Variants in VAT1L observed in about 807,000 individuals in gnomAD.
The protein encoded by VAT1L is putative NADPH-dependent quinone oxidoreductase VAT1L.
In VAT1L, 34 loss-of-function variants were observed where a neutral mutation model predicts 44.1. The observed-to-expected ratio is 0.77, with a 90% CI of 0.59 to 1.03. The LOEUF is 1.03. Among genes scored for constraint, VAT1L ranks in the 50% least tolerant of loss-of-function variants. The pLI is 0.00. For synonymous variants in VAT1L, 253 were observed against 202.2 expected (o/e 1.25, Z -2.13); for missense variants, 615 against 538.8 (o/e 1.14, Z -1.40).
intron 8 of VAT1L, among the ~76,000 whole-genome samples, chr16:77,972,786 G>T (rs955576537): frequency 6.7e-6 from 1 of 149,344 alleles, no homozygotes; most frequent in Non-Finnish European, 1.5e-5. Context: ...TCTCAAAAAT[G>T]ATAATAATAA....
At chr16:77,966,758 A>C (rs1298910576) in intron 7 of VAT1L, among the ~76,000 whole-genome samples, 2 of 152,130 alleles carry the variant, frequency 1.3e-5, no homozygotes, top group African/African-American at 4.8e-5. Context: ...TATGGTGATT[A>C]AGTCTGTGAA....
chr16:77,977,208 C>T (rs2018350782), intron 8 of VAT1L, among the ~76,000 whole-genome samples: 1 of 152,150 alleles, frequency 6.6e-6, no homozygotes, highest in African/African-American at 2.4e-5. Context: ...ATGGCTTCCT[C>T]CTCCCTCAGA....
chr16:77,806,047 G>A (rs1201898202), intron 1 of VAT1L, among the ~76,000 whole-genome samples: 1 of 150,786 alleles, frequency 6.6e-6, no homozygotes, highest in African/African-American at 2.4e-5. Context: ...ATTTTTAGTA[G>A]AGTCAGGGTT....
In VAT1L at chr16:77,879,303, T is replaced by C; in HGVS notation, c.882+79T>C. On this transcript the variant is annotated intron_variant, in intron 6 of 8. Transcript: ENST00000302536. This position sits in a 1 kb window ranked among gnomAD's most constrained non-coding sequence, Gnocchi z 4.1. Reference sequence around the variant, plus strand: ...GAGAGCTTTGTTTTTGTTTGTTTGTTTGTTTTGAGACAGCGTCTCGTTCTG... The same window carrying C: ...GAGAGCTTTGTTTTTGTTTGTTTGTCTGTTTTGAGACAGCGTCTCGTTCTG... The C allele has an allele frequency of 6.7e-7, 1 of 1,502,866 alleles. No homozygotes were observed. Among genetic ancestry groups the C allele is most frequent in the South Asian group, 1.1e-5 (1 of 88,312 alleles). The allele number at this position is 1,502,866 out of a possible 1,614,324, so 93.1% of individuals were successfully genotyped here.
intron 3 of VAT1L, among the ~76,000 whole-genome samples, chr16:77,837,039 G>C (rs540962523): frequency 1.4e-5 from 2 of 140,390 alleles, no homozygotes; most frequent in Non-Finnish European, 3.2e-5. Flanking sequence ...CTTATAGAGA[G>C]GAAGAGCTGG....
rs149047535 is a variant in VAT1L, at chr16:77,898,797, G to A, written c.1077+13995G>A. On this transcript the variant is annotated intron_variant, in intron 7 of 8. Coordinates refer to ENST00000302536, the MANE Select transcript of VAT1L (RefSeq NM_020927.3). ...TTACCAGTGCCCTTTCCTCGTGCTTGTACTCATTTCCAAAGGCAACTGTGG... is the reference window on the plus strand; with the variant it reads ...TTACCAGTGCCCTTTCCTCGTGCTTATACTCATTTCCAAAGGCAACTGTGG... 3.2e-3 allele frequency among the ~76,000 whole-genome samples: 480 copies of A among 152,260 alleles called. 2 individuals are homozygous for A. Among genetic ancestry groups the A allele is most frequent in the Non-Finnish European group, 5.0e-3 (340 of 68,028 alleles).
intron 8 of VAT1L, among the ~76,000 whole-genome samples, chr16:77,972,394 C>T (rs1025412529): frequency 1.3e-5 from 2 of 152,180 alleles, no homozygotes; most frequent in Non-Finnish European, 2.9e-5. Flanking sequence ...TCTCAACTCA[C>T]TGCAGCCCCC....
In VAT1L at chr16:77,917,686, AAT is replaced by A. The variant is rs768604788; in HGVS notation, c.1077+32885_1077+32886del. Among the ~76,000 whole-genome samples the A allele has an allele frequency of 8.3e-4, 126 of 152,316 alleles. 1 individual carries two copies. Among genetic ancestry groups the A allele is most frequent in the Middle Eastern group, 3.4e-3 (1 of 294 alleles). On this transcript the variant is annotated intron_variant, in intron 7 of 8. Transcript: ENST00000302536. ...GTAGCGATTAAGATTCTATCTGAAT[AAT>A]CTAAGGTTCCCTCCACTCTGCTGCC...
chr16:77,862,565 G>A (rs1479125268), intron 3 of VAT1L, among the ~76,000 whole-genome samples, 183 bp from the exon 4 acceptor site: 22 of 147,136 alleles, frequency 1.5e-4, no homozygotes, highest in Admixed American at 1.4e-3. Flanking sequence ...GCAGTGAGCC[G>A]AGATCGCACC....
chr16:77,955,388 T>C (rs2018091523), intron 7 of VAT1L, among the ~76,000 whole-genome samples: 1 of 152,128 alleles, frequency 6.6e-6, no homozygotes, highest in South Asian at 2.1e-4. Context: ...CAAAGAGTTA[T>C]CTGGGCCAAA....
At chr16:77,914,109 G>C (rs2017526268) in intron 7 of VAT1L, among the ~76,000 whole-genome samples, 1 of 152,296 alleles carries the variant, frequency 6.6e-6, no homozygotes, top group Non-Finnish European at 1.5e-5. Context: ...AATAGATGCA[G>C]CGTATGCTGG....
Position 77,911,833 on chromosome 16 carries a change from G to A in VAT1L, c.1077+27031G>A, listed in dbSNP as rs566284358. 2.0e-5 allele frequency among the ~76,000 whole-genome samples: 3 copies of A among 152,324 alleles called. No homozygotes were observed. In the East Asian group the frequency reaches 5.8e-4, roughly 29 times the overall value. On this transcript the variant is annotated intron_variant, in intron 7 of 8. Transcript: ENST00000302536. The stretch of plus-strand genomic sequence containing the variant: ...CCACCTCTGGCATAGAACTCGGGAG[G>A]ATGAGAATTCCAAATGGGAACCTGG...
At position 77,788,582 on chromosome 16, in the gene VAT1L, C is replaced by A; in HGVS notation, c.-101C>A. 7.4e-7 allele frequency: 1 copy of A among 1,350,864 alleles called. No individual in the cohort carries two copies. The highest frequency in any genetic ancestry group is 1.0e-6 in the Non-Finnish European group (1 of 987,576). 83.7% of individuals were successfully genotyped at this position (1,350,864 alleles called of 1,614,324 possible). ...TGCAGCCATTGCACAGCCGAGCATCCCACATTCAACAGGAGGAACCCGCGG... is the reference window on the plus strand; with the variant it reads ...TGCAGCCATTGCACAGCCGAGCATCACACATTCAACAGGAGGAACCCGCGG... On this transcript the variant is annotated 5_prime_UTR_variant, in exon 1 of 9. Coordinates refer to ENST00000302536, the MANE Select transcript of VAT1L (RefSeq NM_020927.3).
intron 7 of VAT1L, among the ~76,000 whole-genome samples, chr16:77,957,376 T>C (rs1468118792): frequency 6.6e-6 from 1 of 152,130 alleles, no homozygotes; most frequent in African/African-American, 2.4e-5. Flanking sequence ...AAATATAATA[T>C]CTTTCTCCCT....
chr16:77,933,972 C>T (rs752009529), intron 7 of VAT1L, among the ~76,000 whole-genome samples: 7 of 152,132 alleles, frequency 4.6e-5, no homozygotes, highest in Non-Finnish European at 1.0e-4. Context: ...GATGGAATGA[C>T]GTGGTCTGTG....
At position 77,884,643 on chromosome 16, in the gene VAT1L, G is replaced by C. The variant is rs761371836; in HGVS notation, c.918G>C (p.Leu306=). The part of the protein sequence containing the change: ...WQVEKVNPIK[L]YEENKVIAGF... ...TGGAGAAGGTGAACCCCATCAAGCT[G>C]TATGAGGAGAACAAAGTCATCGCGG... is the stretch of plus-strand genomic sequence containing the variant. Residue 306 remains leucine, a synonymous_variant, in exon 7 of 9, where the codon CTG becomes CTC. Transcript: ENST00000302536. The surrounding 1 kb of genome is among the most constrained non-coding windows in gnomAD (Gnocchi z 4.5). 1.9e-6 allele frequency: 3 copies of C among 1,613,614 alleles called. No homozygotes were observed. Among genetic ancestry groups the C allele is most frequent in the Non-Finnish European group, 2.5e-6 (3 of 1,179,886 alleles).
chr16:77,896,412 G>T (rs2017325613), intron 7 of VAT1L, among the ~76,000 whole-genome samples: 2 of 152,202 alleles, frequency 1.3e-5, no homozygotes, highest in Non-Finnish European at 2.9e-5. Flanking sequence ...TGTGAAAAAT[G>T]GAGAGAATAA....
chr16:77,975,518 A>C (rs959823412), intron 8 of VAT1L, among the ~76,000 whole-genome samples: 3 of 151,608 alleles, frequency 2.0e-5, no homozygotes, highest in African/African-American at 7.3e-5. Flanking sequence ...GGCCATGACC[A>C]GTCTCAGCCC....
intron 3 of VAT1L, among the ~76,000 whole-genome samples, chr16:77,848,618 G>A (rs254774): frequency 1 from 152,241 of 152,268 alleles, 76,107 homozygotes; most frequent in Non-Finnish European, 1. Flanking sequence ...GGGCAAAAAC[G>A]ACAAAAACAA....
Sources: allele counts gnomAD v4.1 joint callset (sites outside exome capture counted in the v4.1 genomes callset), GRCh38; gene constraint gnomAD v4.1.1; non-coding constraint Gnocchi (gnomAD v3.1); transcripts MANE v1.5; gene names NCBI Gene and HGNC (gene_info 2026-07-23, HGNC 2026-07-21).